The following FAT3 variants were observed in gnomAD, a reference collection of about 807,000 sequenced individuals.
The protein encoded by FAT3 is FAT atypical cadherin 3, also known as protocadherin Fat 3.
Under a neutral mutation model 310.2 loss-of-function variants are expected in FAT3, and 95 were observed. The ratio of observed to expected loss-of-function variants is 0.31; its 90% CI spans 0.26 to 0.36. The LOEUF (loss-of-function observed/expected upper bound fraction) is 0.36, where lower values mean the gene tolerates loss of function less well. Ranked by LOEUF, FAT3 falls within the 10% of genes least tolerant of loss-of-function variation. FAT3 has a pLI of 1.00. For synonymous variants in FAT3, 2,314 were observed against 2,192.9 expected (o/e 1.06, Z -1.54); for missense variants, 5,408 against 5,715.6 (o/e 0.95, Z 1.74).
At chr11:92,804,934 A>G (rs1437492184) in intron 10 of FAT3, among the ~76,000 whole-genome samples, 1 of 152,234 alleles carries the variant, frequency 6.6e-6, no homozygotes, top group Non-Finnish European at 1.5e-5. Context: ...GGATTTTATT[A>G]TCTTGGAAAG....
chr11:92,267,203 A>T (rs1945988353), intron 1 of FAT3, among the ~76,000 whole-genome samples: 1 of 152,152 alleles, frequency 6.6e-6, no homozygotes. Flanking sequence ...GACAGAAAAA[A>T]ATGGGGGCAA....
At chr11:92,702,198 T>C (rs1944117593) in intron 4 of FAT3, among the ~76,000 whole-genome samples, 1 of 152,192 alleles carries the variant, frequency 6.6e-6, no homozygotes, top group Non-Finnish European at 1.5e-5. Flanking sequence ...ACATGTTCCA[T>C]GAATGGTAGC....
At position 92,571,057 on chromosome 11, in the gene FAT3, AAAAC is replaced by A. The variant is rs1365364946; in HGVS notation, c.3607+46121_3607+46124del. ...TGCTGGGTCCTAAGATTAAAAATCA[AAAAC>A]AAACAAACAAAAATTTAAAATCCAA... On this transcript the variant is annotated intron_variant, in intron 3 of 27. Coordinates refer to ENST00000525166, the MANE Select transcript of FAT3 (RefSeq NM_001367949.2). 1.1e-4 allele frequency among the ~76,000 whole-genome samples: 16 copies of A among 152,322 alleles called. No individual in the cohort carries two copies. In the East Asian group the frequency reaches 1.5e-3, roughly 15 times the overall value.
At chr11:92,857,046 C>T (rs1347251985) in intron 19 of FAT3, among the ~76,000 whole-genome samples, 168 bp from the exon 20 acceptor site, 2 of 152,276 alleles carry the variant, frequency 1.3e-5, no homozygotes, top group African/African-American at 4.8e-5. Context: ...AGGTGAAGCC[C>T]ATTCAGGTGT....
chr11:92,344,218 A>C (rs1948349277), intron 1 of FAT3, among the ~76,000 whole-genome samples: 1 of 152,184 alleles, frequency 6.6e-6, no homozygotes, highest in South Asian at 2.1e-4. Flanking sequence ...CCACTGTCCC[A>C]ACATATCAAA....
chr11:92,243,780 A>T (rs1051969878), intron 1 of FAT3, among the ~76,000 whole-genome samples: 1 of 152,090 alleles, frequency 6.6e-6, no homozygotes, highest in African/African-American at 2.4e-5. Flanking sequence ...CAAGGACTTT[A>T]GTTTTAGATC....
At chr11:92,433,012 T>C (rs1254482705) in intron 2 of FAT3, among the ~76,000 whole-genome samples, 1 of 152,170 alleles carries the variant, frequency 6.6e-6, no homozygotes, top group African/African-American at 2.4e-5. Context: ...GTCTGAACTT[T>C]GCAGCAGCTT....
intron 3 of FAT3, among the ~76,000 whole-genome samples, chr11:92,588,690 G>T (rs935474105): frequency 1.3e-5 from 2 of 148,324 alleles, no homozygotes; most frequent in African/African-American, 2.6e-5. Flanking sequence ...CCATTCTTCT[G>T]TTAGACATCA....
intron 21 of FAT3, among the ~76,000 whole-genome samples, chr11:92,862,734 C>T (rs1338993873): frequency 1.3e-5 from 2 of 152,174 alleles, no homozygotes; most frequent in Non-Finnish European, 2.9e-5. Context: ...AATAAGTTAA[C>T]CTTAATTACA....
chr11:92,562,742 T>A lies in FAT3; in HGVS notation c.3607+37794T>A, dbSNP rs188599278. ...GTTTGAAGGCCCAAGAACCATAAACTCTGATGTCTAAGGATAGGAGAAGAT... is the reference window on the plus strand; with the variant it reads ...GTTTGAAGGCCCAAGAACCATAAACACTGATGTCTAAGGATAGGAGAAGAT... On this transcript the variant is annotated intron_variant, in intron 3 of 27. Coordinates refer to ENST00000525166, the MANE Select transcript of FAT3 (RefSeq NM_001367949.2). Among the ~76,000 whole-genome samples, 33 of 152,248 alleles carry A rather than the reference T, an allele frequency of 2.2e-4. No individual in the cohort carries two copies. The East Asian group carries it at 6.2e-3, about 29-fold the overall frequency.
chr11:92,750,618 T>C (rs1335907828), intron 4 of FAT3, among the ~76,000 whole-genome samples: 3 of 141,228 alleles, frequency 2.1e-5, no homozygotes, highest in African/African-American at 8.5e-5. Context: ...ACCTGACCTG[T>C]CTGGGGATTT....
chr11:92,227,599 G>A (rs1055152392), intron 1 of FAT3, among the ~76,000 whole-genome samples: 7 of 152,134 alleles, frequency 4.6e-5, no homozygotes, highest in African/African-American at 1.7e-4. Flanking sequence ...CTTGAATGAT[G>A]TTCTGGTGTG....
At chr11:92,377,490 C>A (rs956519436) in intron 2 of FAT3, among the ~76,000 whole-genome samples, 2 of 152,166 alleles carry the variant, frequency 1.3e-5, no homozygotes, top group Admixed American at 1.3e-4. Context: ...GCTGATATTC[C>A]TACTATAAGA....
chr11:92,773,090 T>C (rs1946498415), intron 6 of FAT3, among the ~76,000 whole-genome samples: 1 of 152,172 alleles, frequency 6.6e-6, no homozygotes, highest in African/African-American at 2.4e-5. Context: ...CTTGTGAACA[T>C]ACACTCATGC....
In FAT3 at chr11:92,797,864, A is replaced by T; in HGVS notation, c.4851A>T (p.Glu1617Asp). 1 of 1,613,086 alleles carries T rather than the reference A, an allele frequency of 6.2e-7. No individual in the cohort carries two copies. Among genetic ancestry groups the T allele is most frequent in the Non-Finnish European group, 8.5e-7 (1 of 1,179,140 alleles). The change falls in exon 10 of 28, where the codon GAA (glutamate) becomes GAT (aspartate). Residue 1617 changes from glutamate to aspartate, a missense_variant. By Grantham distance (45) the Glu-to-Asp change is conservative. Transcript: ENST00000525166. ...AGNTGNMFKIEPVLGIITICK... is the reference protein window; with the variant it reads ...AGNTGNMFKIDPVLGIITICK... ...ACACTGGGAACATGTTTAAGATCGA[A>T]CCGGTCCTAGGCATCATCACCATTT...
intron 3 of FAT3, among the ~76,000 whole-genome samples, chr11:92,623,725 C>T (rs575624765): frequency 1.5e-3 from 235 of 152,150 alleles, no homozygotes; most frequent in Non-Finnish European, 2.6e-3. Context: ...GGGTGGATCA[C>T]GAGGTCAGGA....
chr11:92,741,016 G>A (rs1039667840), intron 4 of FAT3, among the ~76,000 whole-genome samples: 4 of 151,974 alleles, frequency 2.6e-5, no homozygotes, highest in Admixed American at 6.6e-5. Context: ...AAGACACAAC[G>A]TCTGCCCTCA....
At chr11:92,868,374 G>A (rs372058583) in intron 22 of FAT3, among the ~76,000 whole-genome samples, 2 of 152,150 alleles carry the variant, frequency 1.3e-5, no homozygotes, top group South Asian at 2.1e-4. Flanking sequence ...CTGTCGTCTC[G>A]ATTTAAGAAA....
intron 3 of FAT3, among the ~76,000 whole-genome samples, chr11:92,605,628 T>C (rs1250244931): frequency 1.3e-5 from 2 of 151,114 alleles, no homozygotes; most frequent in Non-Finnish European, 2.9e-5. Flanking sequence ...ACAAATGGAA[T>C]AATAATAGTT....
Sources: gnomAD v4.1 joint callset for allele counts (sites outside exome capture counted in the v4.1 genomes callset) on GRCh38, gnomAD v4.1.1 for gene constraint, MANE v1.5 for transcripts, NCBI Gene and HGNC (gene_info 2026-07-23, HGNC 2026-07-21) for gene names.